Variants in NALF1 observed in about 807,000 individuals in gnomAD.
NALF1 encodes NALCN channel auxiliary factor 1, also known as family with sequence similarity 155 member A.
In NALF1, 3 loss-of-function variants were observed where a neutral mutation model predicts 48.4. The observed-to-expected ratio is 0.06, with a 90% CI of 0.03 to 0.16. The LOEUF is 0.16. NALF1 is among the 10% of genes least tolerant of loss of function. The pLI is 1.00. For missense variants in NALF1, 526 were observed against 571.5 expected (o/e 0.92, Z 0.81); for synonymous variants, 262 against 245.7 (o/e 1.07, Z -0.62).
chr13:107,239,455 T>C (rs1880422588), intron 1 of NALF1, among the ~76,000 whole-genome samples: 1 of 152,326 alleles, frequency 6.6e-6, no homozygotes, highest in South Asian at 2.1e-4. Flanking sequence ...ACACCAGTCA[T>C]ATTGGATTAG....
intron 1 of NALF1, among the ~76,000 whole-genome samples, chr13:107,322,280 A>G (rs1292495242): frequency 6.6e-6 from 1 of 152,180 alleles, no homozygotes; most frequent in Non-Finnish European, 1.5e-5. Context: ...ATCTACATAC[A>G]TATCTATCTC....
chr13:107,604,945 G>A (rs1463993550), intron 1 of NALF1, among the ~76,000 whole-genome samples: 1 of 152,050 alleles, frequency 6.6e-6, no homozygotes, highest in Non-Finnish European at 1.5e-5. Context: ...CAGACCCTAT[G>A]GCATGTGTTT....
chr13:107,452,391 T>C (rs1483559881), intron 1 of NALF1, among the ~76,000 whole-genome samples: 2 of 152,044 alleles, frequency 1.3e-5, no homozygotes, highest in Non-Finnish European at 2.9e-5. Flanking sequence ...AAAGTGAAAA[T>C]AAAGCAAGGC....
chr13:107,537,273 C>A (rs887379956), intron 1 of NALF1, among the ~76,000 whole-genome samples: 1 of 151,982 alleles, frequency 6.6e-6, no homozygotes, highest in African/African-American at 2.4e-5. Flanking sequence ...TATGCACTTT[C>A]TTAGCCCAAT....
At chr13:107,808,455 T>C (rs570134481) in intron 1 of NALF1, among the ~76,000 whole-genome samples, 1 of 152,266 alleles carries the variant, frequency 6.6e-6, no homozygotes, top group South Asian at 2.1e-4. Context: ...CTTATTAAAA[T>C]CTGTCTTTCC....
intron 1 of NALF1, among the ~76,000 whole-genome samples, chr13:107,256,586 C>T (rs190058478): frequency 1.3e-5 from 2 of 152,310 alleles, no homozygotes; most frequent in East Asian, 3.9e-4. Flanking sequence ...TTGCTGATAT[C>T]ATTGACTTGA....
chr13:107,713,604 A>T (rs1875665644), intron 1 of NALF1, among the ~76,000 whole-genome samples: 1 of 152,108 alleles, frequency 6.6e-6, no homozygotes, highest in Admixed American at 6.5e-5. Flanking sequence ...GATTTTACAA[A>T]CTGGTGTTCT....
intron 1 of NALF1, among the ~76,000 whole-genome samples, chr13:107,699,118 C>T (rs1468220293): frequency 6.6e-6 from 1 of 152,098 alleles, no homozygotes; most frequent in African/African-American, 2.4e-5. Context: ...AGAGAAAATA[C>T]ATTGTTACAA....
intron 1 of NALF1, among the ~76,000 whole-genome samples, chr13:107,783,271 C>T (rs1251784192): frequency 7.4e-6 from 1 of 135,310 alleles, no homozygotes; most frequent in African/African-American, 2.8e-5. Flanking sequence ...GCCAGTCGCC[C>T]CGTCCGGGAG....
chr13:107,316,134 G>A (rs868024079), intron 1 of NALF1, among the ~76,000 whole-genome samples: 5 of 151,962 alleles, frequency 3.3e-5, no homozygotes, highest in African/African-American at 9.7e-5. Context: ...ACCAACGAGC[G>A]AGAACATGCA....
At chr13:107,187,401 T>A (rs1436356033) in intron 2 of NALF1, among the ~76,000 whole-genome samples, 1 of 152,084 alleles carries the variant, frequency 6.6e-6, no homozygotes, top group Non-Finnish European at 1.5e-5. Context: ...TTCTACATAA[T>A]ACTCTTCTCT....
At chr13:107,194,008 TTATCTATCTATCTATCTATCTATCTATC>T (rs71772534) in intron 2 of NALF1, among the ~76,000 whole-genome samples, 2 of 138,896 alleles carry the variant, frequency 1.4e-5, no homozygotes, top group African/African-American at 2.7e-5. Flanking sequence ...CCTATCTATC[TTATCTATCTATCTATCTATCTATCTATC>T]TATCTATCTA....
At chr13:107,417,367 A>C (rs1019973749) in intron 1 of NALF1, among the ~76,000 whole-genome samples, 1 of 152,158 alleles carries the variant, frequency 6.6e-6, no homozygotes, top group Non-Finnish European at 1.5e-5. Flanking sequence ...CAGACTTTCC[A>C]AGAGGTATCT....
chr13:107,264,549 G>T (rs964028293), intron 1 of NALF1, among the ~76,000 whole-genome samples: 1 of 152,126 alleles, frequency 6.6e-6, no homozygotes, highest in Non-Finnish European at 1.5e-5. Context: ...CAGAAATATA[G>T]GGGTATATGT....
At chr13:107,798,149 T>C (rs1878490623) in intron 1 of NALF1, among the ~76,000 whole-genome samples, 1 of 152,174 alleles carries the variant, frequency 6.6e-6, no homozygotes, top group African/African-American at 2.4e-5. Flanking sequence ...CTTTGGAATA[T>C]GGGGCGCTAC....
intron 1 of NALF1, among the ~76,000 whole-genome samples, chr13:107,534,787 A>G (rs941086099): frequency 4.6e-5 from 7 of 152,120 alleles, no homozygotes; most frequent in Non-Finnish European, 1.0e-4. Context: ...CATGACAACC[A>G]CTGACCTGAA....
intron 1 of NALF1, among the ~76,000 whole-genome samples, chr13:107,471,886 A>G (rs1885106253): frequency 6.6e-6 from 1 of 152,236 alleles, no homozygotes; most frequent in African/African-American, 2.4e-5. Context: ...GCAGAGAAGA[A>G]AAAGAGAGGA....
chr13:107,628,773 T>G (rs9514712), intron 1 of NALF1, among the ~76,000 whole-genome samples: 87,988 of 152,038 alleles, frequency 0.58, 27,941 homozygotes, highest in East Asian at 0.99. Context: ...TCAAAATAAT[T>G]TATTTTAAAA....
At chr13:107,316,018 G>A (rs1427734495) in intron 1 of NALF1, among the ~76,000 whole-genome samples, 2 of 151,902 alleles carry the variant, frequency 1.3e-5, no homozygotes, top group African/African-American at 2.4e-5. Context: ...ATTTACATTA[G>A]GTATATCTCC....
Sources: allele counts gnomAD v4.1 joint callset (sites outside exome capture counted in the v4.1 genomes callset), GRCh38; gene constraint gnomAD v4.1.1; transcripts MANE v1.5; gene names NCBI Gene and HGNC (gene_info 2026-07-23, HGNC 2026-07-21).